Variants in PARVB observed in about 807,000 individuals in gnomAD.
PARVB encodes the protein beta-parvin.
In PARVB, 46 loss-of-function variants were observed where a neutral mutation model predicts 47.0. The observed-to-expected ratio is 0.98, with a 90% CI of 0.77 to 1.25. The LOEUF (loss-of-function observed/expected upper bound fraction) is 1.25. Among genes scored for constraint, PARVB ranks in the 50% most tolerant of loss-of-function variants. The pLI is 0.00. For synonymous variants in PARVB, 196 were observed against 196.3 expected, an observed-to-expected ratio of 1.00 and a Z score of 0.01; for missense variants, 473 against 471.6, an observed-to-expected ratio of 1.00 and a Z score of -0.03.
intron 1 of PARVB, among the ~76,000 whole-genome samples, chr22:44,075,662 C>A (rs1218863512): frequency 6.6e-6 from 1 of 152,232 alleles, no homozygotes; most frequent in East Asian, 1.9e-4. Context: ...GTTTTGCCTG[C>A]CCCACAGGGT....
chr22:44,048,459 C>T (rs2051152905), intron 1 of PARVB, among the ~76,000 whole-genome samples: 1 of 152,132 alleles, frequency 6.6e-6, no homozygotes, highest in Non-Finnish European at 1.5e-5. Context: ...GCAACCTCCA[C>T]CTCCTGGGTT....
At chr22:44,050,530 G>A (rs1377343346) in intron 1 of PARVB, among the ~76,000 whole-genome samples, 1 of 152,012 alleles carries the variant, frequency 6.6e-6, no homozygotes, top group Non-Finnish European at 1.5e-5. Flanking sequence ...TAGAGATGGG[G>A]TTTCTCCATG....
chr22:44,051,733 C>T (rs1457232075), intron 1 of PARVB, among the ~76,000 whole-genome samples: 4 of 152,132 alleles, frequency 2.6e-5, no homozygotes, highest in Non-Finnish European at 4.4e-5. Flanking sequence ...AAAGGTATGT[C>T]CAGGTCCTAG....
intron 8 of PARVB, chr22:44,146,277 A>T (rs1437427850): frequency 1.5e-5 from 2 of 135,486 alleles, no homozygotes; most frequent in African/African-American, 6.0e-5. Flanking sequence ...GCACACACAC[A>T]TGTTCACACA....
In PARVB at chr22:44,157,965, C is replaced by T. The variant is rs2053971837; in HGVS notation, c.844-17C>T. The T allele has an allele frequency of 6.3e-7, 1 of 1,591,004 alleles. No homozygotes were observed. Among genetic ancestry groups the T allele is most frequent in the Non-Finnish European group, 8.6e-7 (1 of 1,159,386 alleles). On this transcript the variant is annotated splice_polypyrimidine_tract_variant and intron_variant, in intron 10 of 12. Transcript: ENST00000338758. ...CTCCTTACCCTGCCCGGAAACATCA[C>T]AAGTCTTTCTCTGCAGTTTGCAGAT...
At chr22:44,164,833 A>G (rs2054131931) in intron 12 of PARVB, among the ~76,000 whole-genome samples, 1 of 152,146 alleles carries the variant, frequency 6.6e-6, no homozygotes, top group Non-Finnish European at 1.5e-5. Flanking sequence ...TCTCCAAAAT[A>G]GCTAGAAAAT....
intron 4 of PARVB, among the ~76,000 whole-genome samples, chr22:44,130,938 G>T (rs1390444619): frequency 6.6e-6 from 1 of 151,184 alleles, no homozygotes; most frequent in Non-Finnish European, 1.5e-5. Context: ...ATCTCAAGAC[G>T]CCCCCATGGC....
At chr22:44,093,106 C>T (rs2052211933) in intron 1 of PARVB, among the ~76,000 whole-genome samples, 1 of 152,198 alleles carries the variant, frequency 6.6e-6, no homozygotes, top group African/African-American at 2.4e-5. Context: ...GTCTTACATG[C>T]AGCAGAGGCT....
At chr22:44,117,830 C>G (rs990425107) in intron 3 of PARVB, among the ~76,000 whole-genome samples, 2 of 71,108 alleles carry the variant, frequency 2.8e-5, no homozygotes, top group Non-Finnish European at 4.9e-5. Context: ...CCAATGAGAT[C>G]ATTTATTAGT....
At chr22:44,053,870 G>C (rs2051256550) in intron 1 of PARVB, among the ~76,000 whole-genome samples, 1 of 151,348 alleles carries the variant, frequency 6.6e-6, no homozygotes, top group Non-Finnish European at 1.5e-5. Flanking sequence ...AGGGAAAGGG[G>C]TGCAGAGCTT....
intron 1 of PARVB, chr22:44,086,660 C>G: frequency 1.5e-6 from 1 of 683,576 alleles, no homozygotes; most frequent in Non-Finnish European, 1.8e-6. Flanking sequence ...ATTTAGATCT[C>G]ACTTAGGTCT....
rs899211441 is a variant in PARVB at position 44,172,072 on chromosome 22, G to A, written c.*3394G>A. 2 of 151,746 alleles carry A rather than the reference G, an allele frequency of 1.3e-5. No homozygotes were observed. The highest frequency in any genetic ancestry group is 4.8e-5 in the African/African-American group (2 of 41,384). 9.4% of individuals were successfully genotyped at this position (151,746 alleles called of 1,614,324 possible). On this transcript the variant is annotated 3_prime_UTR_variant, in exon 13 of 13. Transcript: ENST00000338758. ...GTAGGTGTGCCTTTTGCATACCTGG[G>A]AAGGGCCCCATTAGGCTCGACTCCT...
chr22:44,077,543 C>A (rs1048243445), intron 1 of PARVB, among the ~76,000 whole-genome samples: 3 of 152,174 alleles, frequency 2.0e-5, no homozygotes, highest in Non-Finnish European at 4.4e-5. Context: ...GATCCCCAGA[C>A]CTATCTTCTT....
At chr22:44,092,651 A>G (rs1482093555) in intron 1 of PARVB, among the ~76,000 whole-genome samples, 2 of 152,014 alleles carry the variant, frequency 1.3e-5, no homozygotes, top group East Asian at 1.9e-4. Context: ...CTCAACATTC[A>G]TGGTTACATT....
chr22:44,126,128 G>A (rs760704704), intron 4 of PARVB, among the ~76,000 whole-genome samples: 9 of 152,146 alleles, frequency 5.9e-5, no homozygotes, highest in Non-Finnish European at 1.0e-4. Context: ...TGCAGTGTAC[G>A]TGTGAACCCA....
rs55865160 is a variant in PARVB, at chr22:44,122,562, CAGAGAGAGAGAGAGAGAGAGAG to C, written c.376+3449_376+3470del. On this transcript the variant is annotated intron_variant, in intron 4 of 12. Transcript: ENST00000338758. ...AGAGAGAGAGAGAGAGACACAGAGA[CAGAGAGAGAGAGAGAGAGAGAG>C]AGAGAGAGAGAGAGAGAGAGAGAGA... Among the ~76,000 whole-genome samples the C allele has an allele frequency of 5.1e-3, 400 of 78,794 alleles. 9 individuals carry two copies. Among genetic ancestry groups the C allele is most frequent in the African/African-American group, 8.9e-3 (151 of 17,062 alleles). The allele number at this position is 78,794 out of a possible 152,430, so 51.7% of individuals were successfully genotyped here.
At chr22:44,123,458 G>A (rs904638295) in intron 4 of PARVB, among the ~76,000 whole-genome samples, 1 of 152,144 alleles carries the variant, frequency 6.6e-6, no homozygotes, top group East Asian at 1.9e-4. Flanking sequence ...CCATTGGCTG[G>A]CCTGGAGTGT....
chr22:44,022,036 G>A (rs1266026432), upstream of PARVB, among the ~76,000 whole-genome samples: 2 of 151,980 alleles, frequency 1.3e-5, no homozygotes, highest in African/African-American at 2.4e-5. Flanking sequence ...ACAAGGACAC[G>A]GTCATCTTGG....
At chr22:44,040,416 A>G (rs568362634) in intron 1 of PARVB, among the ~76,000 whole-genome samples, 2 of 152,296 alleles carry the variant, frequency 1.3e-5, no homozygotes, top group South Asian at 4.1e-4. Flanking sequence ...TGCAGGTGTG[A>G]TTAAGTTAAG....
Sources: gnomAD v4.1 joint callset for allele counts (sites outside exome capture counted in the v4.1 genomes callset) on GRCh38, gnomAD v4.1.1 for gene constraint, MANE v1.5 for transcripts, NCBI Gene and HGNC (gene_info 2026-07-23, HGNC 2026-07-21) for gene names.